The following SFT2D1 variants were observed in gnomAD, a reference collection of about 807,000 sequenced individuals.
SFT2D1 encodes the protein SFT2 domain containing 1.
In SFT2D1, 24 loss-of-function variants were observed where a neutral mutation model predicts 28.1. That is an observed-to-expected ratio of 0.85 (90% CI 0.62 to 1.20). The LOEUF (loss-of-function observed/expected upper bound fraction) is 1.20. Ranked by LOEUF, SFT2D1 falls within the 50% of genes most tolerant of loss-of-function variation. The pLI, the probability that SFT2D1 is intolerant of heterozygous loss-of-function variation, is 0.00. For missense variants in SFT2D1, 181 were observed against 190.9 expected (o/e 0.95, Z 0.31); for synonymous variants, 82 against 73.7 (o/e 1.11, Z -0.58).
intron 1 of SFT2D1, among the ~76,000 whole-genome samples, chr6:166,330,719 G>A (rs1269410446): frequency 3.3e-5 from 5 of 152,284 alleles, no homozygotes; most frequent in South Asian, 4.1e-4. Flanking sequence ...GAGTGCATCC[G>A]AGTGCATCCG....
chr6:166,327,571 T>C (rs1562443205), intron 4 of SFT2D1, among the ~76,000 whole-genome samples: 1 of 152,118 alleles, frequency 6.6e-6, no homozygotes, highest in South Asian at 2.1e-4. Flanking sequence ...CAAATGATGC[T>C]AAATCTCACC....
intron 1 of SFT2D1, among the ~76,000 whole-genome samples, chr6:166,341,830 GAAA>G (rs34430737): frequency 6.8e-6 from 1 of 147,652 alleles, no homozygotes; most frequent in South Asian, 2.1e-4. Flanking sequence ...CTTTTATTAA[GAAA>G]AAAAAAAAAA....
intron 7 of SFT2D1, among the ~76,000 whole-genome samples, chr6:166,320,838 G>A (rs1778340148): frequency 6.6e-6 from 1 of 152,182 alleles, no homozygotes; most frequent in African/African-American, 2.4e-5. Context: ...TTTTTAAAAA[G>A]AACTAGGCCA....
intron 2 of SFT2D1, 87 bp from the exon 3 acceptor site, chr6:166,329,676 C>CA: frequency 1.0e-6 from 1 of 982,946 alleles, no homozygotes; most frequent in Non-Finnish European, 1.5e-6. Context: ...AATACAATAC[C>CA]AATATTATGT....
chr6:166,334,398 C>T (rs1778607548), intron 1 of SFT2D1, among the ~76,000 whole-genome samples: 1 of 152,230 alleles, frequency 6.6e-6, no homozygotes, highest in Non-Finnish European at 1.5e-5. Flanking sequence ...TCAAGACCTG[C>T]CTGGGCAACA....
Position 166,329,592 on chromosome 6 carries a change from A to G in SFT2D1, c.151-3T>C, listed in dbSNP as rs775574136. On this transcript the variant is annotated splice_region_variant and splice_polypyrimidine_tract_variant and intron_variant, in intron 2 of 7. Transcript: ENST00000361731. The stretch of plus-strand genomic sequence containing the variant: ...GGAAGCCACAGCAATCCAGTTCCCT[A>G]AGTTAAGATATTATAGTTATTTTAA... The G allele has an allele frequency of 2.3e-5, 37 of 1,598,654 alleles. No homozygotes were observed. Among genetic ancestry groups the G allele is most frequent in the Non-Finnish European group, 3.0e-5 (35 of 1,171,284 alleles).
At chr6:166,326,609 C>A (rs529892873) in intron 4 of SFT2D1, among the ~76,000 whole-genome samples, 1 of 152,166 alleles carries the variant, frequency 6.6e-6, no homozygotes, top group Admixed American at 6.5e-5. Context: ...CTTTAAAGGG[C>A]TGTTGTAATG....
At chr6:166,329,639 G>A in intron 2 of SFT2D1, 50 bp from the exon 3 acceptor site, 3 of 1,410,734 alleles carry the variant, frequency 2.1e-6, no homozygotes, top group Non-Finnish European at 2.9e-6. Flanking sequence ...GATTTTAATG[G>A]TTAAAATATA....
chr6:166,320,174 G>T lies in SFT2D1; in HGVS notation c.*43C>A. 6.3e-7 allele frequency: 1 copy of T among 1,592,776 alleles called. No individual in the cohort carries two copies. Among genetic ancestry groups the T allele is most frequent in the Non-Finnish European group, 8.6e-7 (1 of 1,163,964 alleles). Reference sequence around the variant, plus strand: ...GGAAAAGCAAACTTCACCAAACATAGAGTACCAACATTCAAGTGCTCTTTT... The same window carrying T: ...GGAAAAGCAAACTTCACCAAACATATAGTACCAACATTCAAGTGCTCTTTT... On this transcript the variant is annotated 3_prime_UTR_variant, in exon 8 of 8. Coordinates refer to ENST00000361731, the MANE Select transcript of SFT2D1 (RefSeq NM_145169.3).
intron 1 of SFT2D1, among the ~76,000 whole-genome samples, chr6:166,342,162 T>C (rs1042818707): frequency 6.6e-6 from 1 of 152,060 alleles, no homozygotes; most frequent in Admixed American, 6.5e-5. Context: ...AGGGCAGACG[T>C]TAGCGGATTC....
intron 7 of SFT2D1, among the ~76,000 whole-genome samples, chr6:166,321,553 TGTAA>T (rs369774810): frequency 1.4e-3 from 217 of 152,352 alleles, no homozygotes; most frequent in African/African-American, 4.9e-3. Flanking sequence ...TTTTTCTCCT[TGTAA>T]GTATCTATCA....
chr6:166,340,610 TG>T (rs1778758828), intron 1 of SFT2D1, among the ~76,000 whole-genome samples: 1 of 152,232 alleles, frequency 6.6e-6, no homozygotes, highest in Non-Finnish European at 1.5e-5. Context: ...TCTTCTGAGC[TG>T]TGCTCACATG....
chr6:166,334,131 C>G (rs1417074552), intron 1 of SFT2D1, among the ~76,000 whole-genome samples: 2 of 152,244 alleles, frequency 1.3e-5, no homozygotes, highest in African/African-American at 2.4e-5. Flanking sequence ...AAACAGAAAG[C>G]TTACTTCACT....
In SFT2D1 at chr6:166,334,201, A is replaced by T. The variant is rs79650338; in HGVS notation, c.64-3954T>A. Among the ~76,000 whole-genome samples, 1,329 of 152,258 alleles carry T rather than the reference A, an allele frequency of 8.7e-3. 22 individuals carry two copies. The highest frequency in any genetic ancestry group is 0.03 in the African/African-American group (1,265 of 41,538). ...TCATCCATCCATCCATCCATCCACT[A>T]ACTGGCTCAATAAATACTGAGTGCT... is the stretch of plus-strand genomic sequence containing the variant. On this transcript the variant is annotated intron_variant, in intron 1 of 7. Transcript: ENST00000361731.
intron 3 of SFT2D1, 55 bp from the exon 4 acceptor site, chr6:166,328,412 T>G (rs982448847): frequency 5.7e-6 from 6 of 1,043,634 alleles, no homozygotes; most frequent in Admixed American, 5.5e-5. Flanking sequence ...TATCTGGTTA[T>G]GCAAAAATAA....
At chr6:166,329,014 A>C (rs1778502091) in intron 3 of SFT2D1, among the ~76,000 whole-genome samples, 1 of 152,168 alleles carries the variant, frequency 6.6e-6, no homozygotes, top group Non-Finnish European at 1.5e-5. Flanking sequence ...TCTTCATTAA[A>C]ATGTAAGCTC....
chr6:166,323,660 C>G (rs561409482), intron 6 of SFT2D1: 1 of 152,340 alleles, frequency 6.6e-6, no homozygotes, highest in South Asian at 2.1e-4. Flanking sequence ...GAGCAGAAAC[C>G]AGGACATGAC....
chr6:166,330,119 T>C (rs1256724304), intron 2 of SFT2D1, 42 bp downstream of exon 2: 5 of 1,426,892 alleles, frequency 3.5e-6, no homozygotes, highest in Admixed American at 2.7e-5. Flanking sequence ...ATTAGTCTAA[T>C]ACAAAATAAA....
At chr6:166,341,423 C>T (rs1397383242) in intron 1 of SFT2D1, among the ~76,000 whole-genome samples, 1 of 149,546 alleles carries the variant, frequency 6.7e-6, no homozygotes, top group Non-Finnish European at 1.5e-5. Context: ...CACTCCAGGC[C>T]TGAGCGACAA....
Sources: gnomAD v4.1 joint callset for allele counts (sites outside exome capture counted in the v4.1 genomes callset) on GRCh38, gnomAD v4.1.1 for gene constraint, MANE v1.5 for transcripts, NCBI Gene and HGNC (gene_info 2026-07-23, HGNC 2026-07-21) for gene names.